CNTNAP4: variants seen among roughly 807,000 people sequenced by gnomAD.
CNTNAP4 encodes the protein contactin associated protein family member 4.
A neutral mutation model predicts 148.4 loss-of-function variants in CNTNAP4; 98 were observed. The observed-to-expected ratio is 0.66, with a 90% CI of 0.56 to 0.78. The LOEUF (loss-of-function observed/expected upper bound fraction) is 0.78. Among genes scored for constraint, CNTNAP4 ranks in the 30% least tolerant of loss-of-function variants. CNTNAP4 has a pLI of 0.00. For missense variants in CNTNAP4, 1,935 were observed against 1,565.6 expected (o/e 1.24, Z -3.98); for synonymous variants, 730 against 565.1 (o/e 1.29, Z -4.14).
intron 1 of CNTNAP4, among the ~76,000 whole-genome samples, chr16:76,280,666 A>G (rs1958652605): frequency 6.6e-6 from 1 of 152,160 alleles, no homozygotes; most frequent in Non-Finnish European, 1.5e-5. Context: ...TTTTACAATT[A>G]TATTGAAGTG....
chr16:76,506,457 T>A (rs1418424670), intron 15 of CNTNAP4, among the ~76,000 whole-genome samples: 2 of 75,534 alleles, frequency 2.6e-5, no homozygotes, highest in African/African-American at 5.9e-5. Context: ...TTCCCTCCCC[T>A]TCCGCTTCTC....
At chr16:76,512,254 T>C (rs956202247) in intron 15 of CNTNAP4, among the ~76,000 whole-genome samples, 7 of 152,222 alleles carry the variant, frequency 4.6e-5, no homozygotes, top group African/African-American at 7.2e-5. Flanking sequence ...TTAGAGACTT[T>C]TGAGAAGACG....
At chr16:76,301,478 C>T (rs556559316) in intron 1 of CNTNAP4, among the ~76,000 whole-genome samples, 2 of 152,096 alleles carry the variant, frequency 1.3e-5, no homozygotes, top group African/African-American at 4.8e-5. Flanking sequence ...TACATAACAT[C>T]TAAGATAATA....
At chr16:76,372,172 C>G (rs1455057303) in intron 3 of CNTNAP4, among the ~76,000 whole-genome samples, 2 of 146,222 alleles carry the variant, frequency 1.4e-5, no homozygotes, top group Non-Finnish European at 3.0e-5. Context: ...CGGAGTCCCA[C>G]TCTGTTGCCC....
At chr16:76,504,629 A>G (rs1319840296) in intron 15 of CNTNAP4, among the ~76,000 whole-genome samples, 2 of 152,148 alleles carry the variant, frequency 1.3e-5, no homozygotes, top group African/African-American at 2.4e-5. Context: ...GGGTTTCACT[A>G]AAAAGCTTCT....
intron 2 of CNTNAP4, among the ~76,000 whole-genome samples, chr16:76,323,956 T>G (rs1373288598): frequency 6.6e-6 from 1 of 152,236 alleles, no homozygotes; most frequent in African/African-American, 2.4e-5. Flanking sequence ...GGATTGAATT[T>G]GAGGATCTCT....
chr16:76,286,174 A>AGTGTGTGTGTGTGTGTGT (rs57003243), intron 1 of CNTNAP4, among the ~76,000 whole-genome samples: 3 of 134,912 alleles, frequency 2.2e-5, no homozygotes, highest in Non-Finnish European at 4.8e-5. Flanking sequence ...TAGAATTATC[A>AGTGTGTGTGTGTGTGTGT]GTGTGTGTGT....
At chr16:76,278,386 T>A (rs1722135045) in intron 1 of CNTNAP4, among the ~76,000 whole-genome samples, 1 of 152,168 alleles carries the variant, frequency 6.6e-6, no homozygotes, top group Admixed American at 6.5e-5. Context: ...ACCAGTCAGG[T>A]GGTCTTTCAA....
chr16:76,437,896 C>T (rs1293890325), intron 4 of CNTNAP4, among the ~76,000 whole-genome samples: 2 of 151,974 alleles, frequency 1.3e-5, no homozygotes, highest in African/African-American at 2.4e-5. Context: ...TCAGTCATGG[C>T]GTTGTAGCTT....
At chr16:76,499,515 A>C (rs1255848253) in intron 15 of CNTNAP4, among the ~76,000 whole-genome samples, 1 of 151,844 alleles carries the variant, frequency 6.6e-6, no homozygotes, top group Non-Finnish European at 1.5e-5. Flanking sequence ...CTATAGAGCT[A>C]ATTTTCTAGA....
chr16:76,498,516 T>G, intron 14 of CNTNAP4, 51 bp from the exon 15 acceptor site: 12 of 1,555,094 alleles, frequency 7.7e-6, no homozygotes, highest in Non-Finnish European at 1.0e-5. Flanking sequence ...TGCAATGCAA[T>G]AAGGACTATT....
chr16:76,448,508 T>C (rs925027968), intron 5 of CNTNAP4, among the ~76,000 whole-genome samples: 4 of 152,132 alleles, frequency 2.6e-5, no homozygotes, highest in African/African-American at 7.2e-5. Context: ...ATAATGAGGT[T>C]GTGGCAAAGA....
chr16:76,467,215 T>C, intron 9 of CNTNAP4, 137 bp from the exon 10 acceptor site: 1 of 706,884 alleles, frequency 1.4e-6, no homozygotes, highest in Non-Finnish European at 2.3e-6. Context: ...AAACTAATAA[T>C]GACTGCAGTC....
chr16:76,493,038 C>G (rs1388597444), intron 13 of CNTNAP4, among the ~76,000 whole-genome samples: 1 of 151,398 alleles, frequency 6.6e-6, no homozygotes, highest in Non-Finnish European at 1.5e-5. Context: ...AAGAGGGGAT[C>G]TAGAAAGGCA....
At chr16:76,397,793 G>T (rs1246710889) in intron 3 of CNTNAP4, among the ~76,000 whole-genome samples, 1 of 103,450 alleles carries the variant, frequency 9.7e-6, no homozygotes, top group Non-Finnish European at 2.0e-5. Flanking sequence ...ATGTGTGCAT[G>T]TGTTTGTGTG....
chr16:76,390,278 A>AGTAACTTATCTATTGTAACTAATT (rs2016860315), intron 3 of CNTNAP4, among the ~76,000 whole-genome samples: 2 of 152,210 alleles, frequency 1.3e-5, no homozygotes, highest in East Asian at 3.8e-4. Flanking sequence ...CTCTTACTAC[A>AGTAACTTATCTATTGTAACTAATT]GTAACTTATC....
At chr16:76,278,645 A>G (rs1370485457) in intron 1 of CNTNAP4, among the ~76,000 whole-genome samples, 1 of 152,210 alleles carries the variant, frequency 6.6e-6, no homozygotes, top group Non-Finnish European at 1.5e-5. Flanking sequence ...AGCTTGGCAA[A>G]TACAACTTTT....
At position 76,470,380 on chromosome 16, in the gene CNTNAP4, C is replaced by A. The variant is rs147518289; in HGVS notation, c.1655+2857C>A. Among the ~76,000 whole-genome samples, 836 of 150,804 alleles carry A rather than the reference C, an allele frequency of 5.5e-3. 3 individuals are homozygous for A. Among genetic ancestry groups the A allele is most frequent in the African/African-American group, 0.019 (783 of 40,516 alleles). Reference sequence around the variant, plus strand: ...AGCCAGCCAGACACGGTGACTCACACCTGTAATCCCAGCACTTTGGGAGGC... The same window carrying A: ...AGCCAGCCAGACACGGTGACTCACAACTGTAATCCCAGCACTTTGGGAGGC... On this transcript the variant is annotated intron_variant, in intron 10 of 23. Transcript: ENST00000611870.
intron 3 of CNTNAP4, among the ~76,000 whole-genome samples, chr16:76,364,017 A>C (rs532085723): frequency 2.6e-5 from 4 of 151,948 alleles, no homozygotes; most frequent in South Asian, 2.1e-4. Flanking sequence ...TGGGTGCATC[A>C]CTTGAGCCCA....
Sources: gnomAD v4.1 joint callset for allele counts (sites outside exome capture counted in the v4.1 genomes callset) on GRCh38, gnomAD v4.1.1 for gene constraint, MANE v1.5 for transcripts, NCBI Gene and HGNC (gene_info 2026-07-23, HGNC 2026-07-21) for gene names.